Variants in LRFN2 observed in about 807,000 individuals in gnomAD.
The protein encoded by LRFN2 is leucine-rich repeat and fibronectin type-III domain-containing protein 2.
LRFN2 carries 18 observed loss-of-function variants against 37.3 expected under a neutral mutation model. The observed-to-expected ratio is 0.48, with a 90% CI of 0.33 to 0.72. The LOEUF is 0.72. Among genes scored for constraint, LRFN2 ranks in the 30% least tolerant of loss-of-function variants. LRFN2 has a pLI of 0.02. For missense variants in LRFN2, 1,006 were observed against 1,060.7 expected, an observed-to-expected ratio of 0.95 and a Z score of 0.72; for synonymous variants, 556 against 466.6, an observed-to-expected ratio of 1.19 and a Z score of -2.47.
At chr6:40,575,779 C>T (rs1767266182) in intron 1 of LRFN2, among the ~76,000 whole-genome samples, 1 of 151,972 alleles carries the variant, frequency 6.6e-6, no homozygotes, top group Admixed American at 6.5e-5. Flanking sequence ...AGAGAGGGGG[C>T]TCAGGAGCTG....
At chr6:40,507,280 T>C (rs1221266700) in intron 1 of LRFN2, among the ~76,000 whole-genome samples, 1 of 152,114 alleles carries the variant, frequency 6.6e-6, no homozygotes, top group Non-Finnish European at 1.5e-5. Flanking sequence ...GTTTAGTTCA[T>C]GATCTAAAAG....
chr6:40,529,861 G>A (rs1766316296), intron 1 of LRFN2, among the ~76,000 whole-genome samples: 1 of 152,232 alleles, frequency 6.6e-6, no homozygotes, highest in Non-Finnish European at 1.5e-5. Context: ...CTGGCACACT[G>A]TAAGGATCAA....
At position 40,516,672 on chromosome 6, in the gene LRFN2, G is replaced by T. The variant is rs1007008023; in HGVS notation, c.-19+70269C>A. Among the ~76,000 whole-genome samples the T allele has an allele frequency of 2.6e-5, 4 of 152,174 alleles. No individual in the cohort carries two copies. The East Asian group carries it at 7.7e-4, about 29-fold the overall frequency. On this transcript the variant is annotated intron_variant, in intron 1 of 2. Transcript: ENST00000338305. ...GTCCCACCTCCCTGACCTCATTCCCGCCACAGCTATCTCTCTCACACACCC... is the reference window on the plus strand; with the variant it reads ...GTCCCACCTCCCTGACCTCATTCCCTCCACAGCTATCTCTCTCACACACCC...
At chr6:40,570,329 T>G (rs1029737020) in intron 1 of LRFN2, among the ~76,000 whole-genome samples, 2 of 152,194 alleles carry the variant, frequency 1.3e-5, no homozygotes, top group African/African-American at 2.4e-5. Context: ...CTGTTCTAAG[T>G]GCTTTACATA....
At chr6:40,490,596 G>A (rs998515039) in intron 1 of LRFN2, among the ~76,000 whole-genome samples, 2 of 152,306 alleles carry the variant, frequency 1.3e-5, no homozygotes, top group African/African-American at 2.4e-5. Flanking sequence ...CAGAGCTGCC[G>A]ATTCCCTGCT....
chr6:40,577,108 C>CTTCTCCTCT lies in LRFN2; in HGVS notation c.-19+9832_-19+9833insAGAGGAGAA, dbSNP rs1554145947. ...CTTTTCTTTTCTTTTCTTTTCCTTT[C>CTTCTCCTCT]TTTTCTTTTTAGATATGGAGTCTCG... On this transcript the variant is annotated intron_variant, in intron 1 of 2. Coordinates refer to ENST00000338305, the MANE Select transcript of LRFN2 (RefSeq NM_020737.3). Among the ~76,000 whole-genome samples the CTTCTCCTCT allele has an allele frequency of 2.6e-4, 27 of 104,644 alleles. 1 individual carries two copies. Among genetic ancestry groups the CTTCTCCTCT allele is most frequent in the African/African-American group, 5.6e-4 (14 of 25,078 alleles). 68.7% of individuals were successfully genotyped at this position (104,644 alleles called of 152,430 possible).
At chr6:40,434,779 C>T (rs1301794461) in intron 1 of LRFN2, among the ~76,000 whole-genome samples, 1 of 151,540 alleles carries the variant, frequency 6.6e-6, no homozygotes, top group East Asian at 2.0e-4. Flanking sequence ...TGCCCAGCCC[C>T]TCAAATTGCC....
chr6:40,518,199 A>G (rs205523), intron 1 of LRFN2, among the ~76,000 whole-genome samples: 104,457 of 152,090 alleles, frequency 0.69, 37,175 homozygotes, highest in African/African-American at 0.88. Context: ...CACTTACTGT[A>G]TGCTATGAAC....
Position 40,432,506 on chromosome 6 carries a change from T to C in LRFN2, c.608A>G (p.Asp203Gly), listed in dbSNP as rs1763527927. 6.2e-7 allele frequency: 1 copy of C among 1,614,146 alleles called. No homozygotes were observed. Among genetic ancestry groups the C allele is most frequent in the Non-Finnish European group, 8.5e-7 (1 of 1,180,034 alleles). ...CTTCTGCAGCCGATTGGAGGTGAGA[T>C]CCAGGCGGGCCAGTTTCTGCAGGTC... ...FADLQKLARL[D>G]LTSNRLQKLP... The change falls in exon 2 of 3, where the codon GAT becomes GGT. Residue 203 changes from aspartate to glycine, a missense_variant. By Grantham distance (94) the Asp-to-Gly change is moderately conservative (BLOSUM62 -1). Coordinates refer to ENST00000338305, the MANE Select transcript of LRFN2 (RefSeq NM_020737.3).
chr6:40,564,908 G>A (rs1265451439), intron 1 of LRFN2, among the ~76,000 whole-genome samples: 1 of 151,990 alleles, frequency 6.6e-6, no homozygotes, highest in African/African-American at 2.4e-5. Context: ...CATCACAGGA[G>A]TCTGCATAAA....
At chr6:40,475,440 G>A (rs916735734) in intron 1 of LRFN2, among the ~76,000 whole-genome samples, 2 of 152,234 alleles carry the variant, frequency 1.3e-5, no homozygotes, top group Admixed American at 6.5e-5. Flanking sequence ...GGTGTGGGGA[G>A]GGCAAAACGA....
chr6:40,490,606 T>G (rs1166665352), intron 1 of LRFN2, among the ~76,000 whole-genome samples: 4 of 152,264 alleles, frequency 2.6e-5, no homozygotes, highest in Middle Eastern at 6.8e-3. Context: ...GATTCCCTGC[T>G]CTCCTCTAGA....
intron 1 of LRFN2, among the ~76,000 whole-genome samples, chr6:40,448,023 G>A (rs544607382): frequency 6.6e-6 from 1 of 152,322 alleles, no homozygotes; most frequent in East Asian, 1.9e-4. Flanking sequence ...GAGTTTCAGG[G>A]AGGGAGGCCC....
chr6:40,398,857 A>G (rs929191740), intron 2 of LRFN2, among the ~76,000 whole-genome samples: 1 of 151,864 alleles, frequency 6.6e-6, no homozygotes, highest in African/African-American at 2.4e-5. Flanking sequence ...GCTTAACACT[A>G]GCACACAAAT....
chr6:40,547,242 C>G (rs1413046185), intron 1 of LRFN2, among the ~76,000 whole-genome samples: 1 of 151,868 alleles, frequency 6.6e-6, no homozygotes, highest in African/African-American at 2.4e-5. Context: ...GTAGCTGGGA[C>G]TACAGGTGCA....
At chr6:40,412,095 C>T (rs1403247616) in intron 2 of LRFN2, among the ~76,000 whole-genome samples, 1 of 152,122 alleles carries the variant, frequency 6.6e-6, no homozygotes, top group Non-Finnish European at 1.5e-5. Context: ...GCAGCCTTGG[C>T]ACACTGTTCA....
At chr6:40,409,649 A>G (rs866784127) in intron 2 of LRFN2, among the ~76,000 whole-genome samples, 49 of 152,124 alleles carry the variant, frequency 3.2e-4, no homozygotes, top group African/African-American at 1.2e-3. Flanking sequence ...ACCTCCCCCA[A>G]AGGACCGTCT....
At chr6:40,495,214 A>T (rs1765198216) in intron 1 of LRFN2, among the ~76,000 whole-genome samples, 1 of 152,202 alleles carries the variant, frequency 6.6e-6, no homozygotes, top group South Asian at 2.1e-4. Context: ...GCTTTGATAC[A>T]CACTTCACAG....
chr6:40,475,822 A>C (rs540416117), intron 1 of LRFN2, among the ~76,000 whole-genome samples: 1 of 152,162 alleles, frequency 6.6e-6, no homozygotes, highest in Non-Finnish European at 1.5e-5. Context: ...CCCAGGTTAC[A>C]GAAGAGCAAA....
Sources: allele counts gnomAD v4.1 joint callset (sites outside exome capture counted in the v4.1 genomes callset), GRCh38; gene constraint gnomAD v4.1.1; transcripts MANE v1.5; gene names NCBI Gene and HGNC (gene_info 2026-07-23, HGNC 2026-07-21).